TRPM2: variants seen among roughly 807,000 people sequenced by gnomAD.
TRPM2 encodes the protein estrogen-responsive element-associated gene 1 protein.
TRPM2 carries 161 observed loss-of-function variants against 174.0 expected under a neutral mutation model. That is an observed-to-expected ratio of 0.93 (90% confidence interval 0.81 to 1.05). The LOEUF (loss-of-function observed/expected upper bound fraction) is 1.05. Ranked by LOEUF, TRPM2 falls within the 50% of genes least tolerant of loss-of-function variation. The pLI is 0.00. For missense variants in TRPM2, 2,057 were observed against 2,038.0 expected (o/e 1.01, Z -0.18); for synonymous variants, 954 against 861.3 (o/e 1.11, Z -1.88).
intron 28 of TRPM2, among the ~76,000 whole-genome samples, chr21:44,436,623 CCCA>C (rs1480063161): frequency 7.5e-6 from 1 of 133,032 alleles, no homozygotes; most frequent in Non-Finnish European, 1.6e-5. Context: ...CCATGTCACC[CCCA>C]CATCACCCCC....
At chr21:44,405,391 G>C (rs2049833656) in intron 17 of TRPM2, 131 bp downstream of exon 17, 1 of 1,378,724 alleles carries the variant, frequency 7.3e-7, no homozygotes, top group Non-Finnish European at 9.8e-7. Flanking sequence ...ATTGTCATCT[G>C]TCCAATGGGT....
At chr21:44,384,115 G>A (rs2048956256) in intron 9 of TRPM2, among the ~76,000 whole-genome samples, 1 of 152,026 alleles carries the variant, frequency 6.6e-6, no homozygotes, top group South Asian at 2.1e-4. Flanking sequence ...TAGCTAACTG[G>A]ACTAAGAAAA....
At chr21:44,370,933 C>T (rs2048521080) in intron 5 of TRPM2, among the ~76,000 whole-genome samples, 1 of 152,214 alleles carries the variant, frequency 6.6e-6, no homozygotes, top group Non-Finnish European at 1.5e-5. Flanking sequence ...AGCCACGCTC[C>T]CTCTCTGTGG....
intron 7 of TRPM2, among the ~76,000 whole-genome samples, chr21:44,378,352 G>A (rs1345229063): frequency 6.6e-6 from 1 of 152,214 alleles, no homozygotes; most frequent in Non-Finnish European, 1.5e-5. Context: ...CAAGAGTATG[G>A]GCTTTTGTGA....
At chr21:44,394,957 G>A (rs558851929) in intron 11 of TRPM2, among the ~76,000 whole-genome samples, 1 of 152,302 alleles carries the variant, frequency 6.6e-6, no homozygotes, top group South Asian at 2.1e-4. Context: ...CCCTGTGCTT[G>A]CTCGTGAGTG....
intron 29 of TRPM2, among the ~76,000 whole-genome samples, chr21:44,437,650 A>T (rs910627915): frequency 6.6e-6 from 1 of 152,184 alleles, no homozygotes; most frequent in Non-Finnish European, 1.5e-5. Context: ...AGGGTTGTGC[A>T]CAGGCCCCTC....
intron 2 of TRPM2, among the ~76,000 whole-genome samples, chr21:44,361,412 G>A (rs4818714): frequency 1.8e-4 from 27 of 152,048 alleles, no homozygotes; most frequent in Non-Finnish European, 3.7e-4. Context: ...CACACTCGGC[G>A]TTGTGTCAAC....
chr21:44,433,304 C>CAAG (rs1263891245), intron 27 of TRPM2, among the ~76,000 whole-genome samples: 1 of 152,218 alleles, frequency 6.6e-6, no homozygotes, highest in African/African-American at 2.4e-5. Flanking sequence ...GAGCGTGTGG[C>CAAG]CTCCTCTGTG....
rs759317017 is a variant in TRPM2 at position 44,378,979 on chromosome 21, C to A, written c.1015-18C>A. On this transcript the variant is annotated intron_variant, in intron 7 of 31. Coordinates refer to ENST00000397928, the MANE Select transcript of TRPM2 (RefSeq NM_003307.4). ...GTGAGGACCCAGTCCCGGGCTCACA[C>A]CCCCACCTGCCTTGCAGACCATCGA... The A allele has an allele frequency of 6.3e-7, 1 of 1,599,352 alleles. No individual in the cohort carries two copies. The highest frequency in any genetic ancestry group is 1.3e-5 in the African/African-American group (1 of 74,988).
chr21:44,353,567 T>G (rs1189352754), upstream of TRPM2: 14 of 1,191,552 alleles, frequency 1.2e-5, no homozygotes, highest in Admixed American at 2.1e-4. Context: ...TCTCAGAACA[T>G]CAGCCTCATC....
intron 24 of TRPM2, 128 bp downstream of exon 24, chr21:44,425,067 G>A: frequency 1.2e-6 from 1 of 847,136 alleles, no homozygotes; most frequent in Admixed American, 2.8e-5. Flanking sequence ...GCTGCAGCCT[G>A]TTCCAGGCAG....
intron 4 of TRPM2, among the ~76,000 whole-genome samples, chr21:44,368,652 G>T (rs1406021217): frequency 6.6e-6 from 1 of 151,560 alleles, no homozygotes; most frequent in African/African-American, 2.4e-5. Flanking sequence ...GGCTGGTCTC[G>T]AACTCCTGAC....
intron 2 of TRPM2, among the ~76,000 whole-genome samples, chr21:44,355,243 T>C: frequency 6.6e-6 from 1 of 151,084 alleles, no homozygotes; most frequent in Non-Finnish European, 1.5e-5. Flanking sequence ...GACTCAGGTG[T>C]GGCCAAGACC....
At chr21:44,426,955 G>C in intron 26 of TRPM2, 55 bp from the exon 27 acceptor site, 2 of 1,517,802 alleles carry the variant, frequency 1.3e-6, no homozygotes, top group Non-Finnish European at 1.8e-6. Context: ...CTGCCTGTCT[G>C]CTCTGTCCCA....
chr21:44,364,111 C>T lies in TRPM2; in HGVS notation c.255-3C>T. ...CTGGGTGACTGGTGCTGTGTCTTTG[C>T]AGGAAGGTGGTGTGTCAGTGTGGCT... is the stretch of plus-strand genomic sequence containing the variant. On this transcript the variant is annotated splice_polypyrimidine_tract_variant and splice_region_variant and intron_variant, in intron 2 of 31. Coordinates refer to ENST00000397928, the MANE Select transcript of TRPM2 (RefSeq NM_003307.4). 1 of 1,612,742 alleles carries T rather than the reference C, an allele frequency of 6.2e-7. No homozygotes were observed. Among genetic ancestry groups the T allele is most frequent in the South Asian group, 1.1e-5 (1 of 90,920 alleles).
intron 23 of TRPM2, 103 bp from the exon 24 acceptor site, chr21:44,424,749 G>A (rs1601232469): frequency 2.9e-6 from 2 of 682,218 alleles, no homozygotes; most frequent in East Asian, 3.2e-5. Flanking sequence ...GAGTGACAGG[G>A]GTGGGGCTCC....
rs1033377754 is a variant in TRPM2, at chr21:44,438,987, C to A, written c.4168-80C>A. On this transcript the variant is annotated intron_variant, in intron 29 of 31. Coordinates refer to ENST00000397928, the MANE Select transcript of TRPM2 (RefSeq NM_003307.4). The surrounding 1 kb of genome is among the most constrained non-coding windows in gnomAD (Gnocchi z 5.9). ...GCCGCTGCCCACGCCGGGCAGGAGG[C>A]CAGTGGAGACGGGTGCCAGGGCAGC... 8.3e-7 allele frequency: 1 copy of A among 1,206,210 alleles called. No individual in the cohort carries two copies. The allele number at this position is 1,206,210 out of a possible 1,614,324, so 74.7% of individuals were successfully genotyped here.
chr21:44,406,778 C>A lies in TRPM2; in HGVS notation c.2962+13C>A, dbSNP rs41276556. The A allele has an allele frequency of 9.4e-6, 15 of 1,591,534 alleles. No homozygotes were observed. The African/African-American group carries it at 1.2e-4, about 13-fold the overall frequency. On this transcript the variant is annotated intron_variant, in intron 19 of 31. Coordinates refer to ENST00000397928, the MANE Select transcript of TRPM2 (RefSeq NM_003307.4). ...GGCTACATCGACGGTAGGAGCCGGG[C>A]GCCATGGGAGCTCGGGTGGTGCTGC...
Position 44,438,734 on chromosome 21 carries a change from C to T in TRPM2, c.4168-333C>T, listed in dbSNP as rs147658548. ...TGGGCGGGAGCTGGGAGGGGCGACG[C>T]GGGGGCAGGCGCCAGGGGAGCGGGA... On this transcript the variant is annotated intron_variant, in intron 29 of 31. Coordinates refer to ENST00000397928, the MANE Select transcript of TRPM2 (RefSeq NM_003307.4). The surrounding 1 kb of genome is among the most constrained non-coding windows in gnomAD (Gnocchi z 5.9). Among the ~76,000 whole-genome samples, 761 of 152,190 alleles carry T rather than the reference C, an allele frequency of 5.0e-3. 6 individuals are homozygous for T. The highest frequency in any genetic ancestry group is 0.016 in the African/African-American group (677 of 41,530).
Sources: gnomAD v4.1 joint callset for allele counts (sites outside exome capture counted in the v4.1 genomes callset) on GRCh38, gnomAD v4.1.1 for gene constraint, Gnocchi (gnomAD v3.1) non-coding constraint, MANE v1.5 for transcripts, NCBI Gene and HGNC (gene_info 2026-07-23, HGNC 2026-07-21) for gene names.